The following EXOC6B variants were observed in gnomAD, a reference collection of about 807,000 sequenced individuals.
EXOC6B encodes exocyst complex component 6B, also known as SEC15 homolog B.
A neutral mutation model predicts 113.5 loss-of-function variants in EXOC6B; 54 were observed. The ratio of observed to expected loss-of-function variants is 0.48; its 90% CI spans 0.38 to 0.60. The LOEUF (loss-of-function observed/expected upper bound fraction) is 0.60. EXOC6B is among the 20% of genes least tolerant of loss of function. The pLI is 0.00. For missense variants in EXOC6B, 797 were observed against 977.5 expected (o/e 0.82, Z 2.46); for synonymous variants, 357 against 339.0 (o/e 1.05, Z -0.58).
chr2:72,718,326 A>T lies in EXOC6B; in HGVS notation c.465-19T>A, dbSNP rs368860726. On this transcript the variant is annotated intron_variant, in intron 5 of 21. Transcript: ENST00000272427. ...ATAATGCCTACAAAAGGAATTGATCACCTTTAGCTCACTCAGTTTTCTTTA... is the reference window on the plus strand; with the variant it reads ...ATAATGCCTACAAAAGGAATTGATCTCCTTTAGCTCACTCAGTTTTCTTTA... 1,705 of 1,610,124 alleles carry T rather than the reference A, an allele frequency of 1.1e-3. 17 individuals carry two copies. The highest frequency in any genetic ancestry group is 1.4e-3 in the South Asian group (129 of 90,726).
At chr2:72,784,729 G>A (rs993284569) in intron 1 of EXOC6B, among the ~76,000 whole-genome samples, 5 of 152,128 alleles carry the variant, frequency 3.3e-5, no homozygotes, top group African/African-American at 1.2e-4. Flanking sequence ...ACAACACGTG[G>A]GAATTCTGGG....
chr2:72,708,608 A>C (rs1031071155), intron 6 of EXOC6B, among the ~76,000 whole-genome samples: 3 of 152,220 alleles, frequency 2.0e-5, no homozygotes, highest in Non-Finnish European at 4.4e-5. Context: ...AGTAGTATAA[A>C]GGAATTTTGG....
intron 19 of EXOC6B, among the ~76,000 whole-genome samples, chr2:72,378,997 A>G (rs967077521): frequency 2.6e-5 from 4 of 152,190 alleles, no homozygotes; most frequent in African/African-American, 7.2e-5. Flanking sequence ...GTTTTATTCA[A>G]TGAGACATAC....
intron 18 of EXOC6B, among the ~76,000 whole-genome samples, chr2:72,435,062 T>G (rs144429703): frequency 3.9e-5 from 6 of 152,358 alleles, no homozygotes; most frequent in African/African-American, 1.4e-4. Flanking sequence ...AATTTTCCTC[T>G]ACACACTGCT....
chr2:72,288,953 T>C (rs940432381), intron 20 of EXOC6B: 12 of 236,030 alleles, frequency 5.1e-5, no homozygotes, highest in African/African-American at 1.2e-4. Context: ...TGTGGAGTTA[T>C]CAGCCCCAGA....
intron 7 of EXOC6B, among the ~76,000 whole-genome samples, chr2:72,561,010 A>G (rs1006565360): frequency 1.3e-5 from 2 of 152,088 alleles, no homozygotes; most frequent in African/African-American, 2.4e-5. Context: ...CAAAGAGTCC[A>G]CAGGTGATCA....
intron 19 of EXOC6B, among the ~76,000 whole-genome samples, chr2:72,339,961 A>G (rs890156369): frequency 6.6e-5 from 10 of 152,134 alleles, no homozygotes; most frequent in Non-Finnish European, 8.8e-5. Context: ...AAAATATGCT[A>G]TAATTTTATA....
intron 8 of EXOC6B, among the ~76,000 whole-genome samples, chr2:72,535,354 G>T (rs977203591): frequency 1.3e-5 from 2 of 152,084 alleles, no homozygotes; most frequent in Non-Finnish European, 2.9e-5. Context: ...TGTTGTTTTT[G>T]TTGTTTTCTG....
At chr2:72,662,687 T>C (rs1034804035) in intron 6 of EXOC6B, among the ~76,000 whole-genome samples, 1 of 151,838 alleles carries the variant, frequency 6.6e-6, no homozygotes, top group Non-Finnish European at 1.5e-5. Flanking sequence ...GCAACTGGAA[T>C]GCTCAGATAT....
At chr2:72,474,137 G>C (rs909491158) in intron 17 of EXOC6B, among the ~76,000 whole-genome samples, 22 of 151,716 alleles carry the variant, frequency 1.5e-4, no homozygotes, top group Non-Finnish European at 3.1e-4. Flanking sequence ...TCCACTGTTA[G>C]TCTGATGATG....
intron 6 of EXOC6B, among the ~76,000 whole-genome samples, chr2:72,688,130 G>A (rs920483464): frequency 1.3e-5 from 2 of 152,210 alleles, no homozygotes; most frequent in Admixed American, 6.5e-5. Flanking sequence ...GATGGGAGTT[G>A]ACATTAAGTA....
At chr2:72,307,024 T>C (rs1053634089) in intron 20 of EXOC6B, among the ~76,000 whole-genome samples, 6 of 152,210 alleles carry the variant, frequency 3.9e-5, no homozygotes, top group African/African-American at 1.4e-4. Context: ...CCTAGTGTGT[T>C]TTCCCAAGTC....
At chr2:72,700,113 T>C (rs1678203305) in intron 6 of EXOC6B, among the ~76,000 whole-genome samples, 1 of 152,168 alleles carries the variant, frequency 6.6e-6, no homozygotes, top group Non-Finnish European at 1.5e-5. Flanking sequence ...TTATTTGTAG[T>C]ATTTTTATTG....
intron 10 of EXOC6B, 71 bp from the exon 11 acceptor site, chr2:72,513,323 A>G: frequency 6.3e-7 from 1 of 1,579,216 alleles, no homozygotes; most frequent in Admixed American, 1.8e-5. Context: ...GGGGTTTGAC[A>G]AGCATTAAGA....
chr2:72,752,405 G>A (rs1039848748), intron 1 of EXOC6B, among the ~76,000 whole-genome samples: 2 of 151,864 alleles, frequency 1.3e-5, no homozygotes, highest in African/African-American at 4.8e-5. Flanking sequence ...TTGGTGGGGG[G>A]AAGCTGATTT....
At chr2:72,335,064 T>C (rs1258019455) in intron 19 of EXOC6B, 44 bp from the exon 20 acceptor site, 7 of 1,556,852 alleles carry the variant, frequency 4.5e-6, no homozygotes, top group African/African-American at 2.7e-5. Context: ...TAACTAACCA[T>C]GGACAGGGAG....
At chr2:72,229,881 T>C (rs939696894) in intron 20 of EXOC6B, among the ~76,000 whole-genome samples, 7 of 152,234 alleles carry the variant, frequency 4.6e-5, no homozygotes, top group Non-Finnish European at 1.0e-4. Flanking sequence ...TTTGTGGTAC[T>C]GGATATAATT....
At chr2:72,180,850 C>T (rs1267763939) in intron 21 of EXOC6B, among the ~76,000 whole-genome samples, 1 of 152,070 alleles carries the variant, frequency 6.6e-6, no homozygotes, top group East Asian at 1.9e-4. Flanking sequence ...TTATATATGG[C>T]AAAAAGGTTC....
chr2:72,191,693 A>G (rs946042685), intron 20 of EXOC6B, among the ~76,000 whole-genome samples: 1 of 152,216 alleles, frequency 6.6e-6, no homozygotes, highest in Admixed American at 6.5e-5. Context: ...AACTGGACAG[A>G]GAACAGACAG....
Sources: gnomAD v4.1 joint callset for allele counts (sites outside exome capture counted in the v4.1 genomes callset) on GRCh38, gnomAD v4.1.1 for gene constraint, MANE v1.5 for transcripts, NCBI Gene and HGNC (gene_info 2026-07-23, HGNC 2026-07-21) for gene names.